Variants in ALKBH3 observed in about 807,000 individuals in gnomAD.
ALKBH3 encodes alkB homolog 3, alpha-ketoglutarate dependent dioxygenase, also known as alpha-ketoglutarate-dependent dioxygenase alkB homolog 3.
A neutral mutation model predicts 43.9 loss-of-function variants in ALKBH3; 51 were observed. That is an observed-to-expected ratio of 1.16 (90% CI 0.93 to 1.47). The LOEUF (loss-of-function observed/expected upper bound fraction) is 1.47, where lower values mean the gene tolerates loss of function less well. Ranked by LOEUF, ALKBH3 falls within the 40% of genes most tolerant of loss-of-function variation. ALKBH3 has a pLI of 0.00. For missense variants in ALKBH3, 361 were observed against 351.9 expected (o/e 1.03, Z -0.21); for synonymous variants, 102 against 115.2 (o/e 0.89, Z 0.73).
Position 43,901,501 on chromosome 11 carries a change from G to T in ALKBH3, c.460-15G>T, listed in dbSNP as rs772454713. On this transcript the variant is annotated splice_polypyrimidine_tract_variant and intron_variant, in intron 7 of 9. Transcript: ENST00000302708. The stretch of plus-strand genomic sequence containing the variant: ...ATGCGACTGTCTTGCCCTTTTCTTG[G>T]TCTGTGGATTGCAGTGGCACCCTGT... 5.0e-6 allele frequency: 8 copies of T among 1,612,478 alleles called. No homozygotes were observed. The Admixed American group carries it at 1.3e-4, about 27-fold the overall frequency.
chr11:43,886,487 T>C, intron 4 of ALKBH3, 119 bp from the exon 5 acceptor site: 2 of 883,646 alleles, frequency 2.3e-6, no homozygotes, highest in Non-Finnish European at 3.6e-6. Context: ...TATGCCTCTC[T>C]CATAACTAAA....
At chr11:43,890,700 C>A (rs1204772568) in intron 6 of ALKBH3, among the ~76,000 whole-genome samples, 1 of 152,064 alleles carries the variant, frequency 6.6e-6, no homozygotes, top group Non-Finnish European at 1.5e-5. Context: ...CCCATCTCTA[C>A]TAACAATACA....
intron 5 of ALKBH3, among the ~76,000 whole-genome samples, chr11:43,889,130 C>T (rs1455816049): frequency 3.3e-5 from 5 of 152,140 alleles, no homozygotes; most frequent in African/African-American, 9.7e-5. Context: ...CGGGTTCAAG[C>T]GATTCTCCTG....
chr11:43,899,744 T>A (rs1302105096), intron 7 of ALKBH3: 3 of 263,612 alleles, frequency 1.1e-5, no homozygotes, highest in Non-Finnish European at 2.2e-5. Flanking sequence ...TAGTTTTAAC[T>A]CTGATCCTAC....
rs1228101645 is a variant in ALKBH3, at chr11:43,889,740, T to C, written c.282T>C (p.Pro94=). 2.5e-6 allele frequency: 4 copies of C among 1,613,996 alleles called. No homozygotes were observed. The highest frequency in any genetic ancestry group is 3.4e-6 in the Non-Finnish European group (4 of 1,179,982). The part of the protein sequence containing the change: ...PTGVSRVCLY[P]GFVDVKEADW... ...CTGCACCCAGGGTCTGTTTGTATCC[T>C]GGCTTTGTTGACGTGAAAGAAGCTG... Residue 94 remains proline (P), a synonymous_variant, in exon 6 of 10, where the codon CCT becomes CCC. Coordinates refer to ENST00000302708, the MANE Select transcript of ALKBH3 (RefSeq NM_139178.4).
chr11:43,913,350 C>T (rs928142307), intron 8 of ALKBH3, among the ~76,000 whole-genome samples: 2 of 152,102 alleles, frequency 1.3e-5, no homozygotes, highest in African/African-American at 4.8e-5. Context: ...ACCCCCGTCC[C>T]GTCCTCCACC....
chr11:43,886,575 A>G lies in ALKBH3; in HGVS notation c.219-31A>G, dbSNP rs747727924. On this transcript the variant is annotated intron_variant, in intron 4 of 9. Coordinates refer to ENST00000302708, the MANE Select transcript of ALKBH3 (RefSeq NM_139178.4). ...GGTATAGCATATTGTTTTGCCTCAA[A>G]CTAACAAGTCTGTTTCCTTTGTTTC... 6.2e-6 allele frequency: 10 copies of G among 1,613,036 alleles called. No individual in the cohort carries two copies. The African/African-American group carries it at 1.3e-4, about 22-fold the overall frequency.
chr11:43,886,299 CT>C (rs1225600419), intron 4 of ALKBH3, among the ~76,000 whole-genome samples: 1 of 152,160 alleles, frequency 6.6e-6, no homozygotes, highest in Non-Finnish European at 1.5e-5. Context: ...TTTGAAACCT[CT>C]TTGTGCAATA....
intron 7 of ALKBH3, chr11:43,898,186 C>T (rs1044730646): frequency 3.3e-6 from 4 of 1,217,468 alleles, no homozygotes; most frequent in Non-Finnish European, 3.7e-6. Context: ...CGATTTGACT[C>T]CGCTGCAGGA....
chr11:43,892,168 T>A (rs1392438068), intron 7 of ALKBH3, 39 bp downstream of exon 7: 2 of 1,498,950 alleles, frequency 1.3e-6, no homozygotes, highest in South Asian at 1.1e-5. Flanking sequence ...TTTTATAGAC[T>A]ATATACTATG....
intron 7 of ALKBH3, among the ~76,000 whole-genome samples, chr11:43,893,774 T>C (rs1951800005): frequency 1.3e-5 from 2 of 152,260 alleles, no homozygotes; most frequent in Non-Finnish European, 2.9e-5. Flanking sequence ...TAGAATTCTT[T>C]AATTCAGATT....
At chr11:43,896,268 T>TACACACACACACAC (rs71035662) in intron 7 of ALKBH3, among the ~76,000 whole-genome samples, 5 of 147,374 alleles carry the variant, frequency 3.4e-5, no homozygotes, top group African/African-American at 1.3e-4. Flanking sequence ...ATAGGATAGA[T>TACACACACACACAC]ACACACACAC....
intron 8 of ALKBH3, among the ~76,000 whole-genome samples, chr11:43,908,832 G>C (rs1951915580): frequency 6.6e-6 from 1 of 152,182 alleles, no homozygotes; most frequent in Non-Finnish European, 1.5e-5. Context: ...TAGTCCGCCT[G>C]GTAGTTTGTG....
intron 6 of ALKBH3, among the ~76,000 whole-genome samples, chr11:43,891,302 C>G (rs144976377): frequency 1.2e-4 from 19 of 152,262 alleles, no homozygotes; most frequent in Non-Finnish European, 2.5e-4. Flanking sequence ...AAGTAACTCT[C>G]TGATCCCTGG....
chr11:43,904,184 T>C (rs879821721), intron 8 of ALKBH3, among the ~76,000 whole-genome samples: 4 of 152,184 alleles, frequency 2.6e-5, no homozygotes, highest in African/African-American at 4.8e-5. Context: ...TCCACATAAT[T>C]GTCTGCCAGT....
chr11:43,918,473 A>G (rs1036729246), intron 8 of ALKBH3, among the ~76,000 whole-genome samples: 1 of 152,232 alleles, frequency 6.6e-6, no homozygotes, highest in African/African-American at 2.4e-5. Flanking sequence ...GGAAAGAGGC[A>G]GGAATATGTC....
chr11:43,905,297 C>T (rs985122949), intron 8 of ALKBH3, among the ~76,000 whole-genome samples: 3 of 152,224 alleles, frequency 2.0e-5, no homozygotes, highest in Non-Finnish European at 4.4e-5. Context: ...CTAACAGTTT[C>T]TCTCTGTGCT....
chr11:43,898,580 T>G (rs1485873599), intron 7 of ALKBH3: 3 of 761,086 alleles, frequency 3.9e-6, no homozygotes, highest in South Asian at 1.3e-5. Flanking sequence ...AATACAAAAG[T>G]CTTTGTTTGG....
At chr11:43,908,094 A>G (rs1951908832) in intron 8 of ALKBH3, among the ~76,000 whole-genome samples, 1 of 152,180 alleles carries the variant, frequency 6.6e-6, no homozygotes, top group African/African-American at 2.4e-5. Context: ...TTGAGGAGTA[A>G]GGAGAATACT....
Sources: allele counts gnomAD v4.1 joint callset (sites outside exome capture counted in the v4.1 genomes callset), GRCh38; gene constraint gnomAD v4.1.1; transcripts MANE v1.5; gene names NCBI Gene and HGNC (gene_info 2026-07-23, HGNC 2026-07-21).